The following DLG2 variants were observed in gnomAD, a reference collection of about 807,000 sequenced individuals.
The protein encoded by DLG2 is discs large MAGUK scaffold protein 2.
DLG2 carries 45 observed loss-of-function variants against 132.5 expected under a neutral mutation model. The observed-to-expected ratio is 0.34, with a 90% CI of 0.27 to 0.44. The LOEUF is 0.44. Ranked by LOEUF, DLG2 falls within the 20% of genes least tolerant of loss-of-function variation. The pLI, the probability that DLG2 is intolerant of heterozygous loss-of-function variation, is 1.00. For synonymous variants in DLG2, 424 were observed against 419.6 expected (o/e 1.01, Z -0.13); for missense variants, 1,045 against 1,196.9 (o/e 0.87, Z 1.87).
At chr11:83,763,259 A>G (rs2093991896) in intron 18 of DLG2, among the ~76,000 whole-genome samples, 1 of 152,172 alleles carries the variant, frequency 6.6e-6, no homozygotes. Context: ...TTTGGTGTCC[A>G]GATTATTTAG....
chr11:84,391,690 A>T (rs2098792986), intron 7 of DLG2, among the ~76,000 whole-genome samples: 1 of 152,014 alleles, frequency 6.6e-6, no homozygotes, highest in Admixed American at 6.6e-5. Context: ...GTATTCCGAG[A>T]CTTCTTAATG....
intron 6 of DLG2, among the ~76,000 whole-genome samples, chr11:84,906,507 A>G (rs1309791464): frequency 6.6e-6 from 1 of 151,970 alleles, no homozygotes; most frequent in Non-Finnish European, 1.5e-5. Flanking sequence ...GAGACAGGAG[A>G]CATGATAATT....
At chr11:83,689,625 AT>A (rs1264967188) in intron 18 of DLG2, among the ~76,000 whole-genome samples, 1 of 152,078 alleles carries the variant, frequency 6.6e-6, no homozygotes, top group Non-Finnish European at 1.5e-5. Context: ...AATAAAAAAA[AT>A]GTAAACTATC....
chr11:84,615,652 G>C (rs1214865486), intron 6 of DLG2, among the ~76,000 whole-genome samples: 1 of 151,602 alleles, frequency 6.6e-6, no homozygotes, highest in Non-Finnish European at 1.5e-5. Flanking sequence ...TAAAGGGACA[G>C]AGTTGCCCTC....
chr11:85,617,895 C>T (rs1041579280), intron 2 of DLG2, among the ~76,000 whole-genome samples: 2 of 152,118 alleles, frequency 1.3e-5, no homozygotes, highest in Admixed American at 6.5e-5. Flanking sequence ...AAATGGGTTA[C>T]AAAAATCTTA....
chr11:84,082,828 T>C (rs1406312667), intron 10 of DLG2, among the ~76,000 whole-genome samples: 1 of 152,212 alleles, frequency 6.6e-6, no homozygotes, highest in Non-Finnish European at 1.5e-5. Context: ...CTATCATTAG[T>C]TCTAAGTGTC....
chr11:83,495,074 T>C (rs1370923073), intron 21 of DLG2, among the ~76,000 whole-genome samples: 1 of 152,174 alleles, frequency 6.6e-6, no homozygotes, highest in Non-Finnish European at 1.5e-5. Context: ...TGAGTGACTC[T>C]AGCACTCTTT....
At chr11:85,563,201 A>C (rs1363170849) in intron 3 of DLG2, among the ~76,000 whole-genome samples, 1 of 151,740 alleles carries the variant, frequency 6.6e-6, no homozygotes, top group Non-Finnish European at 1.5e-5. Flanking sequence ...GGGATTTTTT[A>C]AATCAAGTTT....
intron 6 of DLG2, among the ~76,000 whole-genome samples, chr11:84,791,179 A>T (rs1486934386): frequency 6.6e-6 from 1 of 152,158 alleles, no homozygotes; most frequent in Non-Finnish European, 1.5e-5. Flanking sequence ...GGATAACAGC[A>T]TGGGGAAAAC....
intron 10 of DLG2, among the ~76,000 whole-genome samples, chr11:84,083,763 T>TTCTTTTC (rs2096935796): frequency 6.6e-6 from 1 of 152,196 alleles, no homozygotes; most frequent in Admixed American, 6.5e-5. Flanking sequence ...CCTAAGAAAC[T>TTCTTTTC]TCTTTTCTTT....
rs528448216 is a variant in DLG2 at position 83,992,156 on chromosome 11, T to C, written c.920-11514A>G. On this transcript the variant is annotated intron_variant, in intron 11 of 27. Coordinates refer to ENST00000376104, the MANE Select transcript of DLG2 (RefSeq NM_001142699.3). ...ACTAACCTGTGCCAGCCTTTCTTCC[T>C]CTATTTAACTCATTAAACACTTACT... 7.2e-5 allele frequency among the ~76,000 whole-genome samples: 11 copies of C among 152,302 alleles called. No homozygotes were observed. In the South Asian group the frequency reaches 2.3e-3, roughly 32 times the overall value.
chr11:83,958,605 T>G (rs965179050), intron 14 of DLG2, among the ~76,000 whole-genome samples: 2 of 152,192 alleles, frequency 1.3e-5, no homozygotes, highest in Non-Finnish European at 1.5e-5. Context: ...TACTTTGCAT[T>G]ACCAATTTTT....
intron 3 of DLG2, among the ~76,000 whole-genome samples, chr11:85,317,751 C>T (rs978922828): frequency 6.6e-6 from 1 of 151,736 alleles, no homozygotes; most frequent in African/African-American, 2.4e-5. Context: ...ACACTGGGGC[C>T]TATTGGAGGA....
intron 6 of DLG2, among the ~76,000 whole-genome samples, chr11:85,087,869 A>AAAAAAAAAAAAAAT (rs2068191143): frequency 1.3e-5 from 2 of 148,306 alleles, no homozygotes; most frequent in Non-Finnish European, 3.0e-5. Context: ...AAAAAAAAAA[A>AAAAAAAAAAAAAAT]CAGATCATGG....
chr11:84,174,199 C>G (rs989426138), intron 8 of DLG2, among the ~76,000 whole-genome samples: 1 of 151,526 alleles, frequency 6.6e-6, no homozygotes, highest in Non-Finnish European at 1.5e-5. Flanking sequence ...TATCAATTCC[C>G]GCCATCCTAT....
At chr11:83,498,352 T>G (rs2094262865) in intron 21 of DLG2, among the ~76,000 whole-genome samples, 1 of 152,066 alleles carries the variant, frequency 6.6e-6, no homozygotes, top group Non-Finnish European at 1.5e-5. Context: ...GCATCAGTTT[T>G]AATGAACATA....
At chr11:84,465,711 A>C (rs2099092497) in intron 7 of DLG2, among the ~76,000 whole-genome samples, 2 of 151,290 alleles carry the variant, frequency 1.3e-5, no homozygotes, top group South Asian at 4.1e-4. Flanking sequence ...TGTGTTCTTA[A>C]TATTTATAGT....
chr11:83,903,105 C>T (rs1489883285), intron 15 of DLG2, among the ~76,000 whole-genome samples: 2 of 151,976 alleles, frequency 1.3e-5, no homozygotes, highest in African/African-American at 4.8e-5. Flanking sequence ...ACAGAAGATG[C>T]TCAATAACAG....
rs539273049 is a variant in DLG2, at chr11:85,354,656, C to T, written c.41-69291G>A. 2.0e-5 allele frequency among the ~76,000 whole-genome samples: 3 copies of T among 151,808 alleles called. No individual in the cohort carries two copies. In the East Asian group the frequency reaches 5.8e-4, roughly 29 times the overall value. On this transcript the variant is annotated intron_variant, in intron 3 of 27. Transcript: ENST00000376104. ...GATCTTTGGTTTAGTACTTGGTATG[C>T]TGACATTTTGTTGAGAAACTGCCAA... is the stretch of plus-strand genomic sequence containing the variant.
Sources: gnomAD v4.1 joint callset for allele counts (sites outside exome capture counted in the v4.1 genomes callset) on GRCh38, gnomAD v4.1.1 for gene constraint, MANE v1.5 for transcripts, NCBI Gene and HGNC (gene_info 2026-07-23, HGNC 2026-07-21) for gene names.